ITPK1: variants seen among roughly 807,000 people sequenced by gnomAD.
The protein encoded by ITPK1 is inositol 1,3,4-trisphosphate 5/6-kinase.
A neutral mutation model predicts 45.3 loss-of-function variants in ITPK1; 21 were observed. The ratio of observed to expected loss-of-function variants is 0.46; its 90% CI spans 0.33 to 0.67. The LOEUF is 0.67. Ranked by LOEUF, ITPK1 falls within the 30% of genes least tolerant of loss-of-function variation. ITPK1 has a pLI of 0.02. For missense variants in ITPK1, 474 were observed against 573.5 expected (o/e 0.83, Z 1.77); for synonymous variants, 258 against 253.6 (o/e 1.02, Z -0.16).
intron 5 of ITPK1, among the ~76,000 whole-genome samples, chr14:92,975,918 TAGTC>T (rs1452462687): frequency 3.9e-5 from 6 of 152,202 alleles, no homozygotes; most frequent in African/African-American, 1.2e-4. Context: ...TGTCTCATGA[TAGTC>T]AGTTCCCACA....
intron 4 of ITPK1, among the ~76,000 whole-genome samples, chr14:93,007,246 A>C (rs1366330025): frequency 6.6e-6 from 1 of 152,200 alleles, no homozygotes; most frequent in Non-Finnish European, 1.5e-5. Flanking sequence ...GCACCTGCTC[A>C]GGTGGGCCTA....
At chr14:93,096,399 C>T (rs1156366985) in intron 2 of ITPK1, among the ~76,000 whole-genome samples, 1 of 152,244 alleles carries the variant, frequency 6.6e-6, no homozygotes, top group Non-Finnish European at 1.5e-5. Context: ...TGTCTGTACC[C>T]TCCCTATAGC....
intron 2 of ITPK1, among the ~76,000 whole-genome samples, chr14:93,080,621 G>A (rs1286239472): frequency 6.6e-6 from 1 of 152,248 alleles, no homozygotes; most frequent in African/African-American, 2.4e-5. Flanking sequence ...GTGTGCTGCA[G>A]TGTTAACTGT....
At chr14:93,049,540 T>G (rs1595168652) in intron 3 of ITPK1, among the ~76,000 whole-genome samples, 2 of 152,224 alleles carry the variant, frequency 1.3e-5, no homozygotes, top group East Asian at 3.9e-4. Context: ...TAAACCATTC[T>G]CCAGGGCTTA....
chr14:93,053,765 A>C (rs1310033255), intron 3 of ITPK1, among the ~76,000 whole-genome samples: 1 of 152,192 alleles, frequency 6.6e-6, no homozygotes, highest in Non-Finnish European at 1.5e-5. Context: ...AAGTCTCTGC[A>C]CCTTCCTCTC....
At chr14:93,055,212 A>G (rs1890172513) in intron 3 of ITPK1, among the ~76,000 whole-genome samples, 2 of 152,168 alleles carry the variant, frequency 1.3e-5, no homozygotes, top group African/African-American at 2.4e-5. Flanking sequence ...TCTACAGCCA[A>G]TGGGCATGCG....
Position 93,016,929 on chromosome 14 carries a change from G to C in ITPK1, c.121-128C>G, listed in dbSNP as rs1472723552. On this transcript the variant is annotated intron_variant, in intron 3 of 10. Transcript: ENST00000267615. The surrounding 1 kb of genome is among the most constrained non-coding windows in gnomAD (Gnocchi z 5.0). Reference sequence around the variant, plus strand: ...GCCTCCCTGTAGCACTCTGGAGATGGGGCAGGAGGAGGGCTGACATGGAAA... The same window carrying C: ...GCCTCCCTGTAGCACTCTGGAGATGCGGCAGGAGGAGGGCTGACATGGAAA... 12 of 1,239,372 alleles carry C rather than the reference G, an allele frequency of 9.7e-6. No homozygotes were observed. Among genetic ancestry groups the C allele is most frequent in the Non-Finnish European group, 1.3e-5 (12 of 895,100 alleles). The allele number at this position is 1,239,372 out of a possible 1,614,324, so 76.8% of individuals were successfully genotyped here.
intron 3 of ITPK1, among the ~76,000 whole-genome samples, chr14:93,067,259 G>A (rs1214136467): frequency 6.6e-6 from 1 of 152,172 alleles, no homozygotes; most frequent in African/African-American, 2.4e-5. Flanking sequence ...AAGCAAGGGT[G>A]GCAGGTACCA....
At chr14:93,027,091 G>C (rs1888774602) in intron 3 of ITPK1, among the ~76,000 whole-genome samples, 1 of 152,130 alleles carries the variant, frequency 6.6e-6, no homozygotes, top group Non-Finnish European at 1.5e-5. Flanking sequence ...AAGACGTTAA[G>C]TGAGATCTTA....
intron 4 of ITPK1, among the ~76,000 whole-genome samples, chr14:93,006,060 G>A (rs909267927): frequency 6.6e-6 from 1 of 152,138 alleles, no homozygotes; most frequent in Non-Finnish European, 1.5e-5. Context: ...GATGGGAAGC[G>A]GCTGGCTGAG....
chr14:93,104,004 G>A (rs1892425697), intron 2 of ITPK1, among the ~76,000 whole-genome samples: 2 of 152,174 alleles, frequency 1.3e-5, no homozygotes, highest in Admixed American at 1.3e-4. Context: ...CGGGTAGGAG[G>A]GCAGGTGAGG....
intron 3 of ITPK1, chr14:93,068,730 T>C (rs746300360): frequency 6.6e-6 from 1 of 152,208 alleles, no homozygotes; most frequent in Non-Finnish European, 1.5e-5. Flanking sequence ...GTGTTCAGCA[T>C]ACCTTTTAAA....
intron 2 of ITPK1, among the ~76,000 whole-genome samples, chr14:93,088,983 G>C (rs941579275): frequency 6.6e-6 from 1 of 152,214 alleles, no homozygotes; most frequent in African/African-American, 2.4e-5. Flanking sequence ...CCACAGCACT[G>C]TGTGACTTCC....
intron 3 of ITPK1, among the ~76,000 whole-genome samples, chr14:93,066,511 T>G (rs1890760454): frequency 6.6e-6 from 1 of 151,736 alleles, no homozygotes; most frequent in Admixed American, 6.6e-5. Context: ...TTCGCGCCAT[T>G]CTCCTGCCTC....
At position 93,016,846 on chromosome 14, in the gene ITPK1, G is replaced by C. The variant is rs780314772; in HGVS notation, c.121-45C>G. 1 of 1,607,198 alleles carries C rather than the reference G, an allele frequency of 6.2e-7. No individual in the cohort carries two copies. Among genetic ancestry groups the C allele is most frequent in the Admixed American group, 1.7e-5 (1 of 59,840 alleles). ...GACAAAAGCAACAACTTCAGCACCT[G>C]AGTCCACTGCCCCCATCCTCTTGTC... On this transcript the variant is annotated intron_variant, in intron 3 of 10. Coordinates refer to ENST00000267615, the MANE Select transcript of ITPK1 (RefSeq NM_014216.6). The surrounding 1 kb of genome is among the most constrained non-coding windows in gnomAD (Gnocchi z 5.0).
chr14:93,037,196 G>A (rs570097695), intron 3 of ITPK1, among the ~76,000 whole-genome samples: 2 of 152,272 alleles, frequency 1.3e-5, no homozygotes, highest in East Asian at 3.9e-4. Context: ...TCTGACCCCG[G>A]GACAATGGCA....
chr14:93,044,459 G>A (rs894371393), intron 3 of ITPK1, among the ~76,000 whole-genome samples: 6 of 152,194 alleles, frequency 3.9e-5, no homozygotes, highest in African/African-American at 9.7e-5. Context: ...AGCCTAGGCC[G>A]AACACTGGCA....
intron 2 of ITPK1, among the ~76,000 whole-genome samples, chr14:93,106,239 C>A (rs534506687): frequency 6.6e-6 from 1 of 151,786 alleles, no homozygotes; most frequent in South Asian, 2.1e-4. Context: ...CTGAACCAGA[C>A]CCACGGGGAG....
intron 2 of ITPK1, 60 bp downstream of exon 2, chr14:93,115,009 C>T (rs1278029530): frequency 2.1e-6 from 2 of 971,934 alleles, no homozygotes; most frequent in Admixed American, 2.9e-5. Context: ...CGGGCTCGGG[C>T]CGGGGGTCAC....
Sources: gnomAD v4.1 joint callset for allele counts (sites outside exome capture counted in the v4.1 genomes callset) on GRCh38, gnomAD v4.1.1 for gene constraint, Gnocchi (gnomAD v3.1) non-coding constraint, MANE v1.5 for transcripts, NCBI Gene and HGNC (gene_info 2026-07-23, HGNC 2026-07-21) for gene names.